CRK: variants seen among roughly 807,000 people sequenced by gnomAD.
CRK encodes the protein CRK proto-oncogene, adaptor protein.
In CRK, 4 loss-of-function variants were observed where a neutral mutation model predicts 29.8. The observed-to-expected ratio is 0.13, with a 90% CI of 0.07 to 0.31. The LOEUF is 0.31. CRK is among the 10% of genes least tolerant of loss of function. The pLI is 1.00. For synonymous variants in CRK, 153 were observed against 164.9 expected, an observed-to-expected ratio of 0.93 and a Z score of 0.55; for missense variants, 274 against 396.5, an observed-to-expected ratio of 0.69 and a Z score of 2.62.
chr17:1,425,959 G>A (rs1417465008), intron 2 of CRK, among the ~76,000 whole-genome samples: 5 of 152,286 alleles, frequency 3.3e-5, no homozygotes, highest in African/African-American at 9.6e-5. Flanking sequence ...GGAAACTGAG[G>A]TGGGGGGATG....
At chr17:1,427,002 A>G (rs1056258070) in intron 2 of CRK, among the ~76,000 whole-genome samples, 1 of 135,292 alleles carries the variant, frequency 7.4e-6, no homozygotes, top group Non-Finnish European at 1.6e-5. Flanking sequence ...AGTGCACTCC[A>G]GCCTGGGCGA....
intron 1 of CRK, among the ~76,000 whole-genome samples, chr17:1,437,565 T>G (rs964372900): frequency 1.3e-5 from 2 of 152,000 alleles, no homozygotes; most frequent in South Asian, 2.1e-4. Flanking sequence ...CTCTCATACT[T>G]GATCAACGAC....
chr17:1,441,147 C>G (rs536667092), intron 1 of CRK, among the ~76,000 whole-genome samples: 1 of 152,092 alleles, frequency 6.6e-6, no homozygotes, highest in African/African-American at 2.4e-5. Context: ...AAGCCAGTCT[C>G]GAATTCCTGA....
chr17:1,423,655 A>G lies in CRK; in HGVS notation c.778-5T>C, dbSNP rs1213898116. On this transcript the variant is annotated splice_region_variant and splice_polypyrimidine_tract_variant and intron_variant, in intron 2 of 2. Coordinates refer to ENST00000300574, the MANE Select transcript of CRK (RefSeq NM_016823.4). Reference sequence around the variant, plus strand: ...AACCTTTACCAGCTCACCGACCTGCAGGAGGAGAATAAGGAGAGCACTTTA... The same window carrying G: ...AACCTTTACCAGCTCACCGACCTGCGGGAGGAGAATAAGGAGAGCACTTTA... The G allele has an allele frequency of 6.2e-7, 1 of 1,613,730 alleles. No homozygotes were observed. The highest frequency in any genetic ancestry group is 1.1e-5 in the South Asian group (1 of 91,024).
intron 1 of CRK, among the ~76,000 whole-genome samples, chr17:1,451,275 A>G (rs1287786617): frequency 6.6e-6 from 1 of 150,792 alleles, no homozygotes; most frequent in Non-Finnish European, 1.5e-5. Flanking sequence ...TATTGTCTGA[A>G]TAATAAAGCC....
At chr17:1,434,928 C>A (rs549174881) in intron 2 of CRK, among the ~76,000 whole-genome samples, 2 of 152,184 alleles carry the variant, frequency 1.3e-5, no homozygotes, top group South Asian at 2.1e-4. Flanking sequence ...AGAAGCTCAA[C>A]CATTTTTTTG....
At chr17:1,450,515 A>G (rs1465009589) in intron 1 of CRK, among the ~76,000 whole-genome samples, 3 of 112,544 alleles carry the variant, frequency 2.7e-5, no homozygotes, top group Non-Finnish European at 6.6e-5. Context: ...CTGTCTCAAA[A>G]AAAGAAAAAA....
At chr17:1,432,451 T>C (rs1344624756) in intron 2 of CRK, among the ~76,000 whole-genome samples, 2 of 117,230 alleles carry the variant, frequency 1.7e-5, no homozygotes, top group African/African-American at 6.8e-5. Context: ...TACTCCAGCC[T>C]GGGTGACAGA....
At chr17:1,447,607 CTTTTTTTTT>C (rs34998406) in intron 1 of CRK, among the ~76,000 whole-genome samples, 3 of 117,844 alleles carry the variant, frequency 2.5e-5, no homozygotes, top group African/African-American at 3.4e-5. Flanking sequence ...TTCTCTTTTC[CTTTTTTTTT>C]TTTTTTTTTT....
intron 2 of CRK, 106 bp from the exon 3 acceptor site, chr17:1,423,756 A>C (rs2073749946): frequency 9.2e-6 from 13 of 1,410,020 alleles, no homozygotes; most frequent in South Asian, 1.4e-5. Flanking sequence ...TGCTCTAGGG[A>C]TATTACAGAA....
At position 1,428,580 on chromosome 17, in the gene CRK, G is replaced by C. The variant is rs1318872767; in HGVS notation, c.778-4930C>G. Among the ~76,000 whole-genome samples, 63 of 132,634 alleles carry C rather than the reference G, an allele frequency of 4.7e-4. No individual in the cohort carries two copies. The Admixed American group carries it at 5.5e-3, about 11-fold the overall frequency. The allele number at this position is 132,634 out of a possible 152,430, so 87.0% of individuals were successfully genotyped here. A position where few individuals can be genotyped will look rare whatever the true frequency, so the allele number is the denominator to read the frequency against. ...ACTCTGTTGCCCTGGCTAGAGTACA[G>C]TGGCATGATCTCAGCTCACTGCAAC... On this transcript the variant is annotated intron_variant, in intron 2 of 2. Transcript: ENST00000300574.
In CRK at chr17:1,422,441, A is replaced by T. The variant is rs374950565; in HGVS notation, c.*1072T>A. 1 of 152,124 alleles carries T rather than the reference A, an allele frequency of 6.6e-6. No individual in the cohort carries two copies. The highest frequency in any genetic ancestry group is 2.4e-5 in the African/African-American group (1 of 41,404). The allele number at this position is 152,124 out of a possible 1,614,324, so 9.4% of individuals were successfully genotyped here. A position where few individuals can be genotyped will look rare whatever the true frequency, so the allele number is the denominator to read the frequency against. ...GCCTCCCAAAGTGCTGGGATTACAG[A>T]CGTGAGCCACCGCGCCCAGCCGGTT... On this transcript the variant is annotated 3_prime_UTR_variant, in exon 3 of 3. Coordinates refer to ENST00000300574, the MANE Select transcript of CRK (RefSeq NM_016823.4).
chr17:1,451,065 G>A (rs1466046013), intron 1 of CRK, among the ~76,000 whole-genome samples: 2 of 151,140 alleles, frequency 1.3e-5, no homozygotes, highest in Admixed American at 6.6e-5. Flanking sequence ...GGTGGCGGGC[G>A]CCTGTAGTCC....
chr17:1,452,319 C>T (rs1274747353), intron 1 of CRK, among the ~76,000 whole-genome samples: 5 of 152,232 alleles, frequency 3.3e-5, no homozygotes, highest in African/African-American at 1.2e-4. Context: ...ATAAAGTACT[C>T]AAAGTACCTG....
chr17:1,435,615 ACT>A (rs2073881014), intron 2 of CRK, among the ~76,000 whole-genome samples: 1 of 152,036 alleles, frequency 6.6e-6, no homozygotes, highest in African/African-American at 2.4e-5. Flanking sequence ...GGCAGTGATA[ACT>A]CTGACAACAT....
At chr17:1,429,482 C>T (rs1217027659) in intron 2 of CRK, among the ~76,000 whole-genome samples, 1 of 152,004 alleles carries the variant, frequency 6.6e-6, no homozygotes, top group African/African-American at 2.4e-5. Flanking sequence ...CCACATTGGA[C>T]AGTCTGGTAT....
intron 1 of CRK, among the ~76,000 whole-genome samples, chr17:1,446,935 G>A (rs998841157): frequency 2.6e-5 from 4 of 152,156 alleles, no homozygotes; most frequent in South Asian, 2.1e-4. Context: ...ACACAGAAAC[G>A]TAAGCAAAAC....
intron 2 of CRK, among the ~76,000 whole-genome samples, chr17:1,435,459 G>A (rs2073879654): frequency 8.7e-6 from 1 of 115,290 alleles, no homozygotes; most frequent in African/African-American, 3.8e-5. Flanking sequence ...ATAAAAAAAA[G>A]CAGAGAGGAA....
chr17:1,450,901 A>C (rs2074012191), intron 1 of CRK, among the ~76,000 whole-genome samples: 1 of 151,768 alleles, frequency 6.6e-6, no homozygotes, highest in African/African-American at 2.4e-5. Flanking sequence ...AAAACAAAAC[A>C]AAACAAATAG....
Sources: gnomAD v4.1 joint callset for allele counts (sites outside exome capture counted in the v4.1 genomes callset) on GRCh38, gnomAD v4.1.1 for gene constraint, MANE v1.5 for transcripts, NCBI Gene and HGNC (gene_info 2026-07-23, HGNC 2026-07-21) for gene names.